The following PRUNE2 variants were observed in gnomAD, a reference collection of about 807,000 sequenced individuals.
The protein encoded by PRUNE2 is protein prune homolog 2.
Under a neutral mutation model 252.0 loss-of-function variants are expected in PRUNE2, and 164 were observed. The ratio of observed to expected loss-of-function variants is 0.65; its 90% confidence interval spans 0.57 to 0.74. The LOEUF (loss-of-function observed/expected upper bound fraction) is 0.74. Ranked by LOEUF, PRUNE2 falls within the 30% of genes least tolerant of loss-of-function variation. The pLI, the probability that PRUNE2 is intolerant of heterozygous loss-of-function variation, is 0.00. For synonymous variants in PRUNE2, 1,292 were observed against 1,350.2 expected (o/e 0.96, Z 0.94); for missense variants, 3,495 against 3,711.0 (o/e 0.94, Z 1.51).
intron 6 of PRUNE2, among the ~76,000 whole-genome samples, chr9:76,768,583 A>ATATG (rs1554757121): frequency 1.9e-5 from 2 of 103,244 alleles, no homozygotes; most frequent in Admixed American, 8.8e-5. Context: ...ATGTATATGT[A>ATATG]TGTGTGTGTG....
At chr9:76,765,888 A>G (rs1371617905) in intron 6 of PRUNE2, among the ~76,000 whole-genome samples, 1 of 152,154 alleles carries the variant, frequency 6.6e-6, no homozygotes, top group Non-Finnish European at 1.5e-5. Context: ...ACCTTTAGAA[A>G]TATCTCGTTA....
At chr9:76,887,423 T>C (rs2062169622) in intron 1 of PRUNE2, among the ~76,000 whole-genome samples, 1 of 152,202 alleles carries the variant, frequency 6.6e-6, no homozygotes, top group Admixed American at 6.5e-5. Context: ...AGATGGTGAA[T>C]GCTAGCTCTC....
intron 1 of PRUNE2, among the ~76,000 whole-genome samples, chr9:76,877,954 G>A (rs1203192943): frequency 6.6e-6 from 1 of 152,210 alleles, no homozygotes; most frequent in Non-Finnish European, 1.5e-5. Flanking sequence ...GACTTAGCAG[G>A]AAGTGGGGAT....
chr9:76,837,441 A>AAATATTATAATAATAATAATAATAAT (rs147526426), intron 4 of PRUNE2, among the ~76,000 whole-genome samples: 1 of 134,826 alleles, frequency 7.4e-6, no homozygotes, highest in Non-Finnish European at 1.6e-5. Flanking sequence ...ACTCTGTCTC[A>AAATATTATAATAATAATAATAATAAT]AATAATAATA....
At chr9:76,657,821 C>T (rs183469586) in intron 9 of PRUNE2, among the ~76,000 whole-genome samples, 98 of 152,240 alleles carry the variant, frequency 6.4e-4, no homozygotes, top group Admixed American at 1.3e-3. Flanking sequence ...GGCATTAGTC[C>T]AGGTAAAAGA....
At chr9:76,699,673 C>T (rs2045713891) in intron 9 of PRUNE2, among the ~76,000 whole-genome samples, 1 of 152,194 alleles carries the variant, frequency 6.6e-6, no homozygotes, top group Admixed American at 6.5e-5. Context: ...CCCCCATAAT[C>T]GCATGAGCCA....
chr9:76,641,877 C>T lies in PRUNE2; in HGVS notation c.8728+2862G>A, dbSNP rs1276900310. 41 of 1,436,934 alleles carry T rather than the reference C, an allele frequency of 2.9e-5. No homozygotes were observed. In the East Asian group the frequency reaches 8.2e-4, roughly 29 times the overall value. The allele number at this position is 1,436,934 out of a possible 1,614,324, so 89.0% of individuals were successfully genotyped here. A position where few individuals can be genotyped will look rare whatever the true frequency, so the allele number is the denominator to read the frequency against. ...GAGACAGAAGGAAAGATGTCACAGTCGCAACCAAAACATACACACACACAC... is the reference window on the plus strand; with the variant it reads ...GAGACAGAAGGAAAGATGTCACAGTTGCAACCAAAACATACACACACACAC... On this transcript the variant is annotated intron_variant, in intron 12 of 18. Transcript: ENST00000376718.
intron 6 of PRUNE2, among the ~76,000 whole-genome samples, chr9:76,727,764 G>A (rs1309332705): frequency 7.0e-6 from 1 of 143,638 alleles, no homozygotes; most frequent in Non-Finnish European, 1.5e-5. Flanking sequence ...ACCCAGGCTG[G>A]AGTGCAGTGG....
chr9:76,691,281 C>G (rs1281856060), intron 9 of PRUNE2, among the ~76,000 whole-genome samples: 1 of 152,238 alleles, frequency 6.6e-6, no homozygotes, highest in African/African-American at 2.4e-5. Context: ...ATCCACATGG[C>G]CAGTACCCTG....
intron 3 of PRUNE2, among the ~76,000 whole-genome samples, chr9:76,850,134 T>G (rs896179523): frequency 3.3e-5 from 5 of 152,100 alleles, no homozygotes; most frequent in African/African-American, 1.2e-4. Flanking sequence ...CTATAACCTC[T>G]GCCTCCCGGG....
chr9:76,655,757 TG>T (rs1341854276), intron 9 of PRUNE2, among the ~76,000 whole-genome samples: 1 of 152,142 alleles, frequency 6.6e-6, no homozygotes, highest in East Asian at 1.9e-4. Context: ...ACACACCAAG[TG>T]GGAAACTCAG....
chr9:76,668,330 C>A (rs561036820), intron 9 of PRUNE2, among the ~76,000 whole-genome samples: 9 of 152,306 alleles, frequency 5.9e-5, no homozygotes, highest in African/African-American at 2.2e-4. Context: ...TTTCTCAGAT[C>A]TCTGATTTTC....
In PRUNE2 at chr9:76,685,226, G is replaced by T. The variant is rs1361002436; in HGVS notation, c.8276+18111C>A. ...ATCTAATATTACTATTATATTATTA[G>T]AAGATGCTGGGTTACACTTAGCCTT... On this transcript the variant is annotated intron_variant, in intron 9 of 18. Transcript: ENST00000376718. Among the ~76,000 whole-genome samples the T allele has an allele frequency of 2.0e-5, 3 of 152,168 alleles. No individual in the cohort carries two copies. The East Asian group carries it at 5.8e-4, about 29-fold the overall frequency.
chr9:76,634,878 G>A (rs1253209762), intron 15 of PRUNE2, among the ~76,000 whole-genome samples: 1 of 152,236 alleles, frequency 6.6e-6, no homozygotes, highest in East Asian at 1.9e-4. Flanking sequence ...CTTTTTGAAA[G>A]CTTATCAGCA....
intron 4 of PRUNE2, among the ~76,000 whole-genome samples, chr9:76,843,290 CAG>C (rs2059491952): frequency 6.6e-6 from 1 of 151,972 alleles, no homozygotes; most frequent in Non-Finnish European, 1.5e-5. Context: ...CACATGGACA[CAG>C]GGTGGGGAAT....
intron 16 of PRUNE2, among the ~76,000 whole-genome samples, chr9:76,626,328 G>A (rs1834741293): frequency 6.6e-6 from 1 of 152,190 alleles, no homozygotes; most frequent in Non-Finnish European, 1.5e-5. Flanking sequence ...CTCAGCTGAG[G>A]ACTGGTTGTG....
chr9:76,774,463 T>A (rs1206741782), intron 6 of PRUNE2, among the ~76,000 whole-genome samples: 1,455 of 141,238 alleles, frequency 0.01, 47 homozygotes, highest in African/African-American at 0.035. Flanking sequence ...TTTTTTTTTT[T>A]TTTTTTTTTT....
intron 6 of PRUNE2, among the ~76,000 whole-genome samples, chr9:76,724,734 TTAAC>T (rs2135312399): frequency 6.6e-6 from 1 of 152,278 alleles, no homozygotes; most frequent in South Asian, 2.1e-4. Context: ...CATCACCTCA[TTAAC>T]TAACAGCCTA....
At chr9:76,853,199 A>G (rs969852389) in intron 2 of PRUNE2, among the ~76,000 whole-genome samples, 1 of 152,190 alleles carries the variant, frequency 6.6e-6, no homozygotes. Flanking sequence ...CATTTTTATC[A>G]GCTTCTGCCC....
Sources: gnomAD v4.1 joint callset for allele counts (sites outside exome capture counted in the v4.1 genomes callset) on GRCh38, gnomAD v4.1.1 for gene constraint, MANE v1.5 for transcripts, NCBI Gene and HGNC (gene_info 2026-07-23, HGNC 2026-07-21) for gene names.